The following METTL15 variants were observed in gnomAD, a reference collection of about 807,000 sequenced individuals.
The protein encoded by METTL15 is 12S rRNA N(4)-cytidine methyltransferase METTL15.
A neutral mutation model predicts 38.3 loss-of-function variants in METTL15; 34 were observed. The ratio of observed to expected loss-of-function variants is 0.89; its 90% CI spans 0.68 to 1.18. The LOEUF (loss-of-function observed/expected upper bound fraction) is 1.18. Ranked by LOEUF, METTL15 falls within the 50% of genes most tolerant of loss-of-function variation. The probability of loss-of-function intolerance (pLI) is 0.00; values close to 1 mark genes in which losing one functional copy is unlikely to be tolerated. For missense variants in METTL15, 438 were observed against 498.4 expected (o/e 0.88, Z 1.15); for synonymous variants, 162 against 170.9 (o/e 0.95, Z 0.41).
At chr11:28,400,770 A>G (rs1177176376) in intron 5 of METTL15, among the ~76,000 whole-genome samples, 1 of 151,986 alleles carries the variant, frequency 6.6e-6, no homozygotes, top group Admixed American at 6.6e-5. Context: ...TGCTAAATTT[A>G]GATGGGTCTC....
intron 6 of METTL15, among the ~76,000 whole-genome samples, chr11:28,435,086 A>G (rs770352735): frequency 3.2e-4 from 49 of 152,166 alleles, no homozygotes; most frequent in Non-Finnish European, 5.6e-4. Flanking sequence ...AATTTGCTCA[A>G]TCTTCCATAG....
intron 6 of METTL15, among the ~76,000 whole-genome samples, chr11:28,473,788 A>C (rs1348614004): frequency 2.0e-5 from 3 of 151,976 alleles, no homozygotes; most frequent in Non-Finnish European, 4.4e-5. Context: ...ACACTCATCT[A>C]ATGCTAAAGA....
intron 3 of METTL15, among the ~76,000 whole-genome samples, chr11:28,150,632 A>AG (rs1850048900): frequency 1.8e-5 from 2 of 114,048 alleles, no homozygotes; most frequent in Admixed American, 2.0e-4. Flanking sequence ...CCTGTGTGAT[A>AG]GAAAAAAAAC....
At chr11:28,204,807 A>G (rs1852256108) in intron 3 of METTL15, among the ~76,000 whole-genome samples, 2 of 151,988 alleles carry the variant, frequency 1.3e-5, no homozygotes, top group Non-Finnish European at 2.9e-5. Context: ...TTATTCTTAG[A>G]TGAAACAATT....
intron 1 of METTL15, among the ~76,000 whole-genome samples, chr11:28,108,829 G>T (rs964967003): frequency 2.6e-5 from 4 of 152,144 alleles, no homozygotes; most frequent in Non-Finnish European, 5.9e-5. Context: ...TAGGTGAAGT[G>T]ATTTTTTTTA....
At position 28,175,739 on chromosome 11, in the gene METTL15, C is replaced by T. The variant is rs541851729; in HGVS notation, c.271-35323C>T. ...CACCAATCCCTGTTGAACTTATATC[C>T]AGAATTGTCTAAAATATATTTAGCT... On this transcript the variant is annotated intron_variant, in intron 3 of 6. Transcript: ENST00000407364. 2.6e-5 allele frequency among the ~76,000 whole-genome samples: 4 copies of T among 152,220 alleles called. No individual in the cohort carries two copies. The South Asian group carries it at 8.3e-4, about 32-fold the overall frequency.
intron 4 of METTL15, among the ~76,000 whole-genome samples, chr11:28,213,716 C>T (rs187933125): frequency 2.7e-5 from 4 of 145,726 alleles, no homozygotes; most frequent in East Asian, 4.1e-4. Flanking sequence ...ACTGCAGTGG[C>T]GCTATCTCGG....
At position 28,110,703 on chromosome 11, in the gene METTL15, A is replaced by G. The variant is rs146544666; in HGVS notation, c.-18+302A>G. Among the ~76,000 whole-genome samples, 86 of 152,304 alleles carry G rather than the reference A, an allele frequency of 5.6e-4. 1 individual carries two copies. Among genetic ancestry groups the G allele is most frequent in the African/African-American group, 2.1e-3 (86 of 41,580 alleles). On this transcript the variant is annotated intron_variant, in intron 2 of 6. Transcript: ENST00000407364. ...TTGTCCTTAAAAATTACATTTTCAAACAGGATTTCCCTGCCAGACAAAATT... is the reference window on the plus strand; with the variant it reads ...TTGTCCTTAAAAATTACATTTTCAAGCAGGATTTCCCTGCCAGACAAAATT...
intron 4 of METTL15, among the ~76,000 whole-genome samples, chr11:28,244,218 G>C (rs758028943): frequency 9.9e-5 from 15 of 152,190 alleles, no homozygotes; most frequent in Non-Finnish European, 2.1e-4. Flanking sequence ...ATTGCAGAAG[G>C]TAAGGTCATT....
chr11:28,359,645 G>T (rs377005147), intron 4 of METTL15, among the ~76,000 whole-genome samples: 16 of 152,000 alleles, frequency 1.1e-4, no homozygotes, highest in African/African-American at 3.9e-4. Flanking sequence ...ATCTTATGGC[G>T]GTTTATATTT....
At chr11:28,343,428 C>T (rs1849970488) in intron 3 of METTL15, among the ~76,000 whole-genome samples, 1 of 152,162 alleles carries the variant, frequency 6.6e-6, no homozygotes, top group Admixed American at 6.5e-5. Context: ...TTCCTGATGA[C>T]TCCCAGATCT....
intron 4 of METTL15, among the ~76,000 whole-genome samples, chr11:28,359,901 G>T (rs974340134): frequency 2.0e-5 from 3 of 152,138 alleles, no homozygotes; most frequent in Admixed American, 2.0e-4. Context: ...CATTTCACTT[G>T]AGTGATTTTT....
intron 3 of METTL15, among the ~76,000 whole-genome samples, chr11:28,188,285 T>A (rs1851577819): frequency 6.6e-6 from 1 of 151,370 alleles, no homozygotes; most frequent in South Asian, 2.1e-4. Flanking sequence ...ACAGATATTT[T>A]AATACTCTGA....
At chr11:28,188,379 A>T (rs1365794634) in intron 3 of METTL15, among the ~76,000 whole-genome samples, 2 of 151,280 alleles carry the variant, frequency 1.3e-5, no homozygotes, top group African/African-American at 2.4e-5. Context: ...TTGACTTTTT[A>T]TTTGGATTTT....
intron 3 of METTL15, among the ~76,000 whole-genome samples, chr11:28,114,485 C>G (rs567654144): frequency 1.3e-5 from 2 of 152,146 alleles, no homozygotes; most frequent in African/African-American, 2.4e-5. Flanking sequence ...GAGTCTTGCT[C>G]TGTCACCTAA....
chr11:28,363,984 T>C (rs1850163999), intron 5 of METTL15, among the ~76,000 whole-genome samples: 1 of 152,164 alleles, frequency 6.6e-6, no homozygotes, highest in South Asian at 2.1e-4. Flanking sequence ...CCAGGTCCAA[T>C]GGCTGTAGGT....
intron 5 of METTL15, among the ~76,000 whole-genome samples, chr11:28,378,494 A>G (rs1481398056): frequency 1.3e-5 from 2 of 152,216 alleles, no homozygotes; most frequent in East Asian, 3.9e-4. Context: ...AAGTGAGGCA[A>G]TGCCTCGCCC....
At chr11:28,275,631 G>T in intron 4 of METTL15, among the ~76,000 whole-genome samples, 1 of 118,068 alleles carries the variant, frequency 8.5e-6, no homozygotes, top group South Asian at 2.8e-4. Flanking sequence ...GTCAAAACCA[G>T]ACAAAGATAC....
At chr11:28,177,401 A>C (rs1031320064) in intron 3 of METTL15, among the ~76,000 whole-genome samples, 3 of 152,042 alleles carry the variant, frequency 2.0e-5, no homozygotes, top group Admixed American at 2.0e-4. Context: ...ATGTCTTCAA[A>C]TTTGAAACAT....
Sources: allele counts gnomAD v4.1 joint callset (sites outside exome capture counted in the v4.1 genomes callset), GRCh38; gene constraint gnomAD v4.1.1; transcripts MANE v1.5; gene names NCBI Gene and HGNC (gene_info 2026-07-23, HGNC 2026-07-21).